The following TMPRSS11F variants were observed in gnomAD, a reference collection of about 807,000 sequenced individuals.
TMPRSS11F encodes the protein transmembrane serine protease 11F.
Under a neutral mutation model 60.2 loss-of-function variants are expected in TMPRSS11F, and 47 were observed. That is an observed-to-expected ratio of 0.78 (90% confidence interval 0.62 to 1.00). TMPRSS11F has a LOEUF of 1.00. TMPRSS11F is among the 50% of genes least tolerant of loss of function. TMPRSS11F has a pLI of 0.00. For missense variants in TMPRSS11F, 519 were observed against 522.9 expected, an observed-to-expected ratio of 0.99 and a Z score of 0.07; for synonymous variants, 166 against 167.3, an observed-to-expected ratio of 0.99 and a Z score of 0.06.
rs541014302 is a variant in TMPRSS11F, at chr4:68,084,724, AT to A, written c.282+5798del. ...CAGAAACACATTTATTTATTTATTT[AT>A]TTTTTTATGTTCTTTTTTTTTATTA... is the stretch of plus-strand genomic sequence containing the variant. On this transcript the variant is annotated intron_variant, in intron 3 of 9. Transcript: ENST00000356291. Among the ~76,000 whole-genome samples, 794 of 148,414 alleles carry A rather than the reference AT, an allele frequency of 5.3e-3. 9 individuals are homozygous for A. The highest frequency in any genetic ancestry group is 0.018 in the African/African-American group (681 of 38,292).
chr4:68,072,399 A>G lies in TMPRSS11F; in HGVS notation c.438T>C (p.Ile146=), dbSNP rs771950629. Residue 146 remains isoleucine, a synonymous_variant, in exon 5 of 10, where the codon ATT becomes ATC. Coordinates refer to ENST00000356291, the MANE Select transcript of TMPRSS11F (RefSeq NM_207407.2). ...TCAAACTTTGATATAAAGCCTTTTC[A>G]ATTTTTTTCTTGATTTGTTCAGCAC... ...TDSAEQIKKK[I]EKALYQSLKT... The G allele has an allele frequency of 2.5e-6, 4 of 1,601,248 alleles. No individual in the cohort carries two copies. Among genetic ancestry groups the G allele is most frequent in the Non-Finnish European group, 3.4e-6 (4 of 1,172,600 alleles).
intron 1 of TMPRSS11F, among the ~76,000 whole-genome samples, chr4:68,100,670 A>G (rs1724174507): frequency 6.6e-6 from 1 of 152,172 alleles, no homozygotes; most frequent in Non-Finnish European, 1.5e-5. Flanking sequence ...TATAGTTAAT[A>G]AAGAGCAATT....
chr4:68,087,843 A>G (rs1723846096), intron 3 of TMPRSS11F, among the ~76,000 whole-genome samples: 1 of 148,944 alleles, frequency 6.7e-6, no homozygotes, highest in Non-Finnish European at 1.5e-5. Context: ...AGCATTAGGT[A>G]TATCTCCCAG....
At chr4:68,075,267 T>C (rs1048363940) in intron 3 of TMPRSS11F, among the ~76,000 whole-genome samples, 1 of 152,194 alleles carries the variant, frequency 6.6e-6, no homozygotes, top group Non-Finnish European at 1.5e-5. Flanking sequence ...CTTAGAAACT[T>C]GTATTTGGGC....
intron 8 of TMPRSS11F, chr4:68,062,653 C>G (rs1400211587): frequency 6.4e-6 from 5 of 778,986 alleles, no homozygotes; most frequent in African/African-American, 1.7e-5. Context: ...CTAAATAAAT[C>G]CAGCCTATCA....
At chr4:68,129,439 C>T (rs1053997000) in intron 1 of TMPRSS11F, among the ~76,000 whole-genome samples, 6 of 151,964 alleles carry the variant, frequency 3.9e-5, no homozygotes, top group Non-Finnish European at 5.9e-5. Context: ...CAATAAGCAA[C>T]ATATGATAAA....
intron 2 of TMPRSS11F, among the ~76,000 whole-genome samples, chr4:68,095,067 G>A (rs1724043057): frequency 6.6e-6 from 1 of 151,846 alleles, no homozygotes; most frequent in Non-Finnish European, 1.5e-5. Context: ...CATGTGAATG[G>A]TAGTGAATGT....
chr4:68,100,054 AAAG>A (rs1405037319), intron 1 of TMPRSS11F, among the ~76,000 whole-genome samples: 7 of 152,214 alleles, frequency 4.6e-5, no homozygotes, highest in African/African-American at 1.2e-4. Context: ...AAAAAAAAAA[AAAG>A]GACAGAGAAA....
chr4:68,062,817 C>A (rs1284207622), intron 8 of TMPRSS11F: 2 of 755,772 alleles, frequency 2.6e-6, no homozygotes, highest in Non-Finnish European at 4.9e-6. Flanking sequence ...ATCTCTTGAT[C>A]CGTGGATTTC....
In TMPRSS11F at chr4:68,107,801, G is replaced by A. The variant is rs1368953127; in HGVS notation, c.12-8763C>T. ...AAAATGGAAAAATTAGCTGGGTGTG[G>A]TAGCACTTGCCTGTAGTCCCAGCTA... On this transcript the variant is annotated intron_variant, in intron 1 of 9. Coordinates refer to ENST00000356291, the MANE Select transcript of TMPRSS11F (RefSeq NM_207407.2). Among the ~76,000 whole-genome samples, 6 of 152,176 alleles carry A rather than the reference G, an allele frequency of 3.9e-5. No homozygotes were observed. In the East Asian group the frequency reaches 9.6e-4, roughly 24 times the overall value.
chr4:68,063,313 GTATT>G, intron 8 of TMPRSS11F: 1 of 513,484 alleles, frequency 1.9e-6, no homozygotes, highest in Non-Finnish European at 3.8e-6. Context: ...GGAAACTTAA[GTATT>G]TCTTATTTCT....
At position 68,072,370 on chromosome 4, in the gene TMPRSS11F, G is replaced by C; in HGVS notation, c.467C>G (p.Thr156Ser). The C allele has an allele frequency of 6.2e-7, 1 of 1,605,036 alleles. No homozygotes were observed. Among genetic ancestry groups the C allele is most frequent in the Non-Finnish European group, 8.5e-7 (1 of 1,175,248 alleles). The change falls in exon 5 of 10, where the codon ACC (threonine) becomes AGC (serine). Residue 156 changes from threonine to serine, a missense_variant. Coordinates refer to ENST00000356291, the MANE Select transcript of TMPRSS11F (RefSeq NM_207407.2). ...GTTTATGGTCAAAGACAATTGTTTG[G>C]TCTTCAAACTTTGATATAAAGCCTT... ...IEKALYQSLK[T>S]KQLSLTINKP...
chr4:68,123,279 A>G (rs1420288427), intron 1 of TMPRSS11F, among the ~76,000 whole-genome samples: 1 of 152,210 alleles, frequency 6.6e-6, no homozygotes, highest in Non-Finnish European at 1.5e-5. Context: ...TCAAAAAGTA[A>G]AGAACACAAG....
intron 8 of TMPRSS11F, chr4:68,063,313 G>T: frequency 1.9e-6 from 1 of 513,480 alleles, no homozygotes; most frequent in Non-Finnish European, 3.8e-6. Context: ...GGAAACTTAA[G>T]TATTTCTTAT....
At chr4:68,120,923 T>C (rs563272095) in intron 1 of TMPRSS11F, among the ~76,000 whole-genome samples, 2 of 152,352 alleles carry the variant, frequency 1.3e-5, no homozygotes, top group Admixed American at 6.5e-5. Context: ...CTCTTAGATA[T>C]GTTTTTGCAC....
rs558501154 is a variant in TMPRSS11F, at chr4:68,068,535, G to A, written c.755+83C>T. 474 of 1,216,336 alleles carry A rather than the reference G, an allele frequency of 3.9e-4. 4 individuals carry two copies. In the African/African-American group the frequency reaches 6.0e-3, roughly 15 times the overall value. The allele number at this position is 1,216,336 out of a possible 1,614,324, so 75.3% of individuals were successfully genotyped here. A position where few individuals can be genotyped will look rare whatever the true frequency, so the allele number is the denominator to read the frequency against. On this transcript the variant is annotated intron_variant, in intron 7 of 9. Transcript: ENST00000356291. The stretch of plus-strand genomic sequence containing the variant: ...TGAATGGAGCAAAGGTTAAACTGGA[G>A]AGACTGGACTCTTCTGATGCGCTAA...
intron 5 of TMPRSS11F, among the ~76,000 whole-genome samples, chr4:68,071,195 C>G (rs781186954): frequency 2.0e-5 from 3 of 152,034 alleles, no homozygotes; most frequent in Non-Finnish European, 4.4e-5. Context: ...CTTTGTTTTA[C>G]TTTGGAATAT....
intron 3 of TMPRSS11F, among the ~76,000 whole-genome samples, chr4:68,081,706 A>G (rs777040235): frequency 4.6e-5 from 7 of 152,200 alleles, no homozygotes. Context: ...ATTTTTTTTA[A>G]CTTTGGCAAA....
At chr4:68,119,232 G>T (rs189470656) in intron 1 of TMPRSS11F, among the ~76,000 whole-genome samples, 41 of 152,082 alleles carry the variant, frequency 2.7e-4, no homozygotes, top group African/African-American at 9.9e-4. Context: ...TGAGGAAGCT[G>T]CACAGAAAAA....
Sources: gnomAD v4.1 joint callset for allele counts (sites outside exome capture counted in the v4.1 genomes callset) on GRCh38, gnomAD v4.1.1 for gene constraint, MANE v1.5 for transcripts, NCBI Gene and HGNC (gene_info 2026-07-23, HGNC 2026-07-21) for gene names.